The following SLC44A5 variants were observed in gnomAD, a reference collection of about 807,000 sequenced individuals.
SLC44A5 encodes the protein choline transporter-like protein 5.
A neutral mutation model predicts 101.8 loss-of-function variants in SLC44A5; 57 were observed. That is an observed-to-expected ratio of 0.56 (90% CI 0.45 to 0.70). SLC44A5 has a LOEUF of 0.70. Ranked by LOEUF, SLC44A5 falls within the 30% of genes least tolerant of loss-of-function variation. SLC44A5 has a pLI of 0.00. For synonymous variants in SLC44A5, 281 were observed against 290.9 expected (o/e 0.97, Z 0.35); for missense variants, 737 against 853.1 (o/e 0.86, Z 1.70).
chr1:75,477,609 A>G (rs578223762), intron 2 of SLC44A5, among the ~76,000 whole-genome samples: 1 of 152,374 alleles, frequency 6.6e-6, no homozygotes, highest in South Asian at 2.1e-4. Flanking sequence ...AAGAATGCAG[A>G]AGCCTCAGGA....
At position 75,592,353 on chromosome 1, in the gene SLC44A5, T is replaced by C. The variant is rs185460759; in HGVS notation, c.-70+18687A>G. Reference sequence around the variant, plus strand: ...TAAAATTAAAACTATAAAATACTGATGAAGGAAATTAAAGAGGACACCAAA... The same window carrying C: ...TAAAATTAAAACTATAAAATACTGACGAAGGAAATTAAAGAGGACACCAAA... On this transcript the variant is annotated intron_variant, in intron 1 of 23. Coordinates refer to ENST00000370859, the MANE Select transcript of SLC44A5 (RefSeq NM_001130058.2). Among the ~76,000 whole-genome samples, 317 of 152,046 alleles carry C rather than the reference T, an allele frequency of 2.1e-3. 1 individual carries two copies. Among genetic ancestry groups the C allele is most frequent in the African/African-American group, 7.3e-3 (301 of 41,494 alleles).
chr1:75,687,378 A>G, the SLC44A5 span, among the ~76,000 whole-genome samples: 1 of 152,182 alleles, frequency 6.6e-6, no homozygotes, highest in South Asian at 2.1e-4. Flanking sequence ...ATCTCCACTC[A>G]CTTCAACCTC....
chr1:75,369,038 G>C (rs945086979), intron 3 of SLC44A5, among the ~76,000 whole-genome samples: 5 of 150,626 alleles, frequency 3.3e-5, no homozygotes, highest in African/African-American at 1.2e-4. Context: ...TTAAAGACAG[G>C]TTCTCACTCT....
chr1:75,629,364 GCAAA>G, the SLC44A5 span, among the ~76,000 whole-genome samples: 1 of 152,144 alleles, frequency 6.6e-6, no homozygotes, highest in East Asian at 1.9e-4. Flanking sequence ...TTTCTTTAAA[GCAAA>G]CAAAGAATCT....
chr1:75,215,333 C>A (rs559658649), intron 19 of SLC44A5, among the ~76,000 whole-genome samples: 1 of 152,034 alleles, frequency 6.6e-6, no homozygotes, highest in Non-Finnish European at 1.5e-5. Flanking sequence ...TTGTCAATGT[C>A]CACACATTTC....
At chr1:75,439,908 A>G (rs1665101504) in intron 2 of SLC44A5, among the ~76,000 whole-genome samples, 1 of 152,184 alleles carries the variant, frequency 6.6e-6, no homozygotes, top group African/African-American at 2.4e-5. Context: ...CTGAAGAAGT[A>G]TACATAATGA....
chr1:75,455,230 A>T (rs1666122545), intron 2 of SLC44A5, among the ~76,000 whole-genome samples: 2 of 152,086 alleles, frequency 1.3e-5, no homozygotes, highest in South Asian at 4.1e-4. Flanking sequence ...AAGCCATATG[A>T]TCTTCAGCAA....
chr1:75,428,325 T>G (rs1325821992), intron 2 of SLC44A5, among the ~76,000 whole-genome samples: 1 of 152,200 alleles, frequency 6.6e-6, no homozygotes, highest in Non-Finnish European at 1.5e-5. Context: ...ATAATACCAG[T>G]AAAGAATAAA....
In SLC44A5 at chr1:75,237,024, A is replaced by G. The variant is rs1321651843; in HGVS notation, c.703T>C (p.Phe235Leu). 2 of 1,604,116 alleles carry G rather than the reference A, an allele frequency of 1.2e-6. No homozygotes were observed. Among genetic ancestry groups the G allele is most frequent in the Non-Finnish European group, 1.7e-6 (2 of 1,172,924 alleles). The change falls in exon 11 of 24, where the codon TTT (phenylalanine) becomes CTT (leucine). Residue 235 changes from phenylalanine (F) to leucine (L), a missense_variant. Coordinates refer to ENST00000370859, the MANE Select transcript of SLC44A5 (RefSeq NM_001130058.2). Reference protein sequence around the residue: ...LDAKSLGLKVFEDYARTWYWI... With the variant: ...LDAKSLGLKVLEDYARTWYWI... ...TACCAAGTTCTTGCATAGTCTTCAA[A>G]CACTTTCAATCCAAGTGACTTTGCA...
chr1:75,557,291 G>C (rs952929139), intron 1 of SLC44A5, among the ~76,000 whole-genome samples: 4 of 152,094 alleles, frequency 2.6e-5, no homozygotes, highest in Non-Finnish European at 5.9e-5. Context: ...GAGAAACATG[G>C]ATTTGACACA....
chr1:75,579,622 C>CCTTTACTACA lies in SLC44A5; in HGVS notation c.-70+31417_-70+31418insTGTAGTAAAG, dbSNP rs577248724. Among the ~76,000 whole-genome samples the CCTTTACTACA allele has an allele frequency of 1.5e-3, 223 of 152,180 alleles. 2 individuals carry two copies. The highest frequency in any genetic ancestry group is 0.01 in the Middle Eastern group (3 of 294). ...TTGAACCCAATGCATTTAAAAGACC[C>CCTTTACTACA]CTTTCCTACTAATTACACCTCTTGC... is the stretch of plus-strand genomic sequence containing the variant. On this transcript the variant is annotated intron_variant, in intron 1 of 23. Transcript: ENST00000370859.
chr1:75,512,272 A>G (rs1209495078), intron 2 of SLC44A5, among the ~76,000 whole-genome samples: 1 of 152,194 alleles, frequency 6.6e-6, no homozygotes, highest in Non-Finnish European at 1.5e-5. Context: ...GAGTACTAAA[A>G]CCAGAAATCC....
intron 4 of SLC44A5, among the ~76,000 whole-genome samples, chr1:75,329,494 G>A (rs1433092782): frequency 2.7e-5 from 4 of 150,930 alleles, no homozygotes; most frequent in Non-Finnish European, 4.4e-5. Flanking sequence ...TCTGTTCCCC[G>A]AGTTATGCTT....
intron 2 of SLC44A5, among the ~76,000 whole-genome samples, chr1:75,508,798 G>A (rs1342856108): frequency 1.3e-5 from 2 of 152,042 alleles, no homozygotes; most frequent in African/African-American, 4.8e-5. Flanking sequence ...AAATAGAATG[G>A]GAATAAATGA....
the SLC44A5 span, among the ~76,000 whole-genome samples, chr1:75,680,752 A>G: frequency 6.6e-6 from 1 of 151,942 alleles, no homozygotes; most frequent in Non-Finnish European, 1.5e-5. Flanking sequence ...GGCAAGACCT[A>G]ACTAAAATCA....
intron 2 of SLC44A5, among the ~76,000 whole-genome samples, chr1:75,503,716 TG>T (rs1220155361): frequency 1.3e-5 from 2 of 152,180 alleles, no homozygotes; most frequent in African/African-American, 4.8e-5. Flanking sequence ...AAAGAATTAT[TG>T]GCCTGTCATA....
chr1:75,426,415 T>A (rs573187976), intron 2 of SLC44A5, among the ~76,000 whole-genome samples: 1 of 152,230 alleles, frequency 6.6e-6, no homozygotes, highest in Non-Finnish European at 1.5e-5. Context: ...ATAATCAGAA[T>A]CCCTAAGGAT....
At chr1:75,493,514 C>G (rs971972297) in intron 2 of SLC44A5, among the ~76,000 whole-genome samples, 2 of 151,990 alleles carry the variant, frequency 1.3e-5, no homozygotes, top group Non-Finnish European at 2.9e-5. Context: ...AGAGAAGAAA[C>G]AGAGATTAGC....
At chr1:75,612,250 A>G (rs370574907), upstream of SLC44A5, among the ~76,000 whole-genome samples, 1 of 152,148 alleles carries the variant, frequency 6.6e-6, no homozygotes, top group East Asian at 1.9e-4. Flanking sequence ...ATAATCTTCC[A>G]GGAGAGGAAT....
Sources: gnomAD v4.1 joint callset for allele counts (sites outside exome capture counted in the v4.1 genomes callset) on GRCh38, gnomAD v4.1.1 for gene constraint, MANE v1.5 for transcripts, NCBI Gene and HGNC (gene_info 2026-07-23, HGNC 2026-07-21) for gene names.